The following POLA1 variants were observed in gnomAD, a reference collection of about 807,000 sequenced individuals.
The protein encoded by POLA1 is DNA polymerase alpha catalytic subunit.
A neutral mutation model predicts 124.0 loss-of-function variants in POLA1; 15 were observed. The ratio of observed to expected loss-of-function variants is 0.12; its 90% CI spans 0.08 to 0.19. The LOEUF is 0.19. Among genes scored for constraint, POLA1 ranks in the 10% least tolerant of loss-of-function variants. The pLI is 1.00. For missense variants in POLA1, 886 were observed against 1,103.4 expected (o/e 0.80, Z 2.79); for synonymous variants, 408 against 389.4 (o/e 1.05, Z -0.56).
intron 35 of POLA1, among the ~76,000 whole-genome samples, chrX:24,917,826 T>C (rs960195444): frequency 8.9e-6 from 1 of 111,854 alleles, no homozygotes; most frequent in Non-Finnish European, 1.9e-5. Flanking sequence ...AAGAATTAAG[T>C]CTTAATGAAA....
chrX:24,980,167 A>G (rs2048405534), intron 36 of POLA1, among the ~76,000 whole-genome samples: 1 of 111,629 alleles, frequency 9.0e-6, no homozygotes, highest in African/African-American at 3.3e-5. Context: ...TCTATGCTTC[A>G]CTTTGTAGAA....
chrX:24,768,257 A>G (rs1932955290), intron 26 of POLA1, among the ~76,000 whole-genome samples: 1 of 112,688 alleles, frequency 8.9e-6, no homozygotes, highest in Non-Finnish European at 1.9e-5. Flanking sequence ...GACAGCAGTC[A>G]TAATGGAATT....
intron 34 of POLA1, among the ~76,000 whole-genome samples, chrX:24,864,384 G>A (rs1340560365): frequency 2.7e-5 from 3 of 112,191 alleles, no homozygotes; most frequent in African/African-American, 6.5e-5. Context: ...TCTGTAGTTA[G>A]CATCCTATCC....
chrX:24,729,140 T>G (rs1456587366), intron 15 of POLA1, among the ~76,000 whole-genome samples: 2 of 112,201 alleles, frequency 1.8e-5, no homozygotes, highest in African/African-American at 6.5e-5. Context: ...TGATAACTAT[T>G]GTAATTCTCC....
chrX:24,717,216 C>CGCCTTTGTGT (rs11573326), intron 8 of POLA1, 74 bp from the exon 9 acceptor site: 14 of 886,661 alleles, frequency 1.6e-5, no homozygotes, highest in South Asian at 4.2e-5. Context: ...AGCCTTTGTG[C>CGCCTTTGTGT]GCCTTTGTGT....
intron 1 of POLA1, among the ~76,000 whole-genome samples, chrX:24,694,324 G>A (rs1927825141): frequency 8.9e-6 from 1 of 112,645 alleles, no homozygotes; most frequent in African/African-American, 3.2e-5. Flanking sequence ...GCCCCGTGGG[G>A]CCGAAAGTAT....
At chrX:24,847,105 A>G (rs1183333763) in intron 34 of POLA1, among the ~76,000 whole-genome samples, 1 of 111,719 alleles carries the variant, frequency 9.0e-6, no homozygotes, top group Non-Finnish European at 1.9e-5. Flanking sequence ...TAGCTGGTTC[A>G]TTTTTGAAGT....
At chrX:24,751,626 G>A (rs1266404003) in intron 26 of POLA1, among the ~76,000 whole-genome samples, 2 of 111,420 alleles carry the variant, frequency 1.8e-5, no homozygotes, top group African/African-American at 3.3e-5. Context: ...GTTTCTCCCA[G>A]GAAATCTTAT....
chrX:24,788,818 C>T (rs773795776), intron 26 of POLA1: 23 of 1,193,350 alleles, frequency 1.9e-5, no homozygotes, highest in Non-Finnish European at 2.0e-5. Context: ...TAGTGTCTTC[C>T]ACATCGGCAG....
intron 36 of POLA1, among the ~76,000 whole-genome samples, chrX:24,944,611 C>G (rs990660180): frequency 1.8e-5 from 2 of 112,101 alleles, no homozygotes; most frequent in Non-Finnish European, 3.8e-5. Context: ...GTCACTGTAA[C>G]ATGCTACAGG....
intron 26 of POLA1, among the ~76,000 whole-genome samples, chrX:24,761,837 T>G (rs1294174297): frequency 8.9e-6 from 1 of 112,113 alleles, no homozygotes; most frequent in Non-Finnish European, 1.9e-5. Context: ...CAAATGACAT[T>G]GCTTGTGACC....
intron 34 of POLA1, among the ~76,000 whole-genome samples, chrX:24,870,992 G>A (rs187405091): frequency 6.3e-5 from 7 of 111,729 alleles, no homozygotes; most frequent in South Asian, 3.8e-4. Context: ...ATTAAAATCC[G>A]TAGCAACCAA....
intron 35 of POLA1, 31 bp downstream of exon 35, chrX:24,888,153 T>A: frequency 1.1e-6 from 1 of 916,499 alleles, no homozygotes; most frequent in African/African-American, 1.9e-5. Context: ...AAGAACCATG[T>A]AGAAGAGGGT....
At chrX:24,743,897 CTT>C (rs1222984310) in intron 23 of POLA1, among the ~76,000 whole-genome samples, 1 of 101,239 alleles carries the variant, frequency 9.9e-6, no homozygotes, top group Non-Finnish European at 2.0e-5. Context: ...TTCTTTTTTT[CTT>C]TTTTTTTTTT....
intron 31 of POLA1, among the ~76,000 whole-genome samples, chrX:24,822,664 C>A (rs1268774020): frequency 8.9e-6 from 1 of 112,375 alleles, no homozygotes; most frequent in Non-Finnish European, 1.9e-5. Context: ...AAAGCCAATT[C>A]CTGCAGGAAA....
At chrX:24,934,787 A>T (rs1045356259) in intron 36 of POLA1, among the ~76,000 whole-genome samples, 1 of 111,764 alleles carries the variant, frequency 8.9e-6, no homozygotes, top group East Asian at 2.8e-4. Context: ...CAGTGGTGCG[A>T]TCTTGGCTCA....
chrX:24,915,428 A>G (rs1569361003), intron 35 of POLA1, among the ~76,000 whole-genome samples: 1 of 112,017 alleles, frequency 8.9e-6, no homozygotes, highest in Non-Finnish European at 1.9e-5. Context: ...TACTAGCATT[A>G]AAAAGTGTTT....
Position 24,764,219 on chromosome X carries a change from T to C in POLA1, c.2964+15227T>C, listed in dbSNP as rs777631727. ...TAATAAGTACTCAGTTAATGCTAGC[T>C]AAAAAATAAACAACCTTCTACCGTT... On this transcript the variant is annotated intron_variant, in intron 26 of 36. Transcript: ENST00000379068. Among the ~76,000 whole-genome samples, 6 of 112,563 alleles carry C rather than the reference T, an allele frequency of 5.3e-5. No homozygotes were observed. The South Asian group carries it at 2.2e-3, about 41-fold the overall frequency.
chrX:24,891,060 T>G (rs1160030194), intron 35 of POLA1, among the ~76,000 whole-genome samples: 1 of 112,662 alleles, frequency 8.9e-6, no homozygotes, highest in African/African-American at 3.2e-5. Flanking sequence ...GGTAAAAGGT[T>G]AGTCTATAAT....
Sources: gnomAD v4.1 joint callset for allele counts (sites outside exome capture counted in the v4.1 genomes callset) on GRCh38, gnomAD v4.1.1 for gene constraint, MANE v1.5 for transcripts, NCBI Gene and HGNC (gene_info 2026-07-23, HGNC 2026-07-21) for gene names.